ADGRL3: variants seen among roughly 807,000 people sequenced by gnomAD.
The protein encoded by ADGRL3 is adhesion G protein-coupled receptor L3.
In ADGRL3, 62 loss-of-function variants were observed where a neutral mutation model predicts 153.5. The observed-to-expected ratio is 0.40, with a 90% CI of 0.33 to 0.50. The LOEUF is 0.50. Ranked by LOEUF, ADGRL3 falls within the 20% of genes least tolerant of loss-of-function variation. The pLI, the probability that ADGRL3 is intolerant of heterozygous loss-of-function variation, is 0.47. For synonymous variants in ADGRL3, 710 were observed against 672.5 expected, an observed-to-expected ratio of 1.06 and a Z score of -0.86; for missense variants, 1,641 against 1,859.4, an observed-to-expected ratio of 0.88 and a Z score of 2.16.
intron 25 of ADGRL3, among the ~76,000 whole-genome samples, chr4:62,045,630 GA>G (rs1730715313): frequency 3.3e-5 from 5 of 151,874 alleles, no homozygotes; most frequent in Admixed American, 6.6e-5. Flanking sequence ...GAAGAAGTTA[GA>G]ACGGGCAGTG....
intron 4 of ADGRL3, among the ~76,000 whole-genome samples, chr4:61,573,153 G>A (rs1440254549): frequency 6.6e-6 from 1 of 151,900 alleles, no homozygotes. Context: ...TATCCAGCAG[G>A]ATATTCTGTC....
At chr4:61,805,762 A>C (rs2097546798) in intron 8 of ADGRL3, among the ~76,000 whole-genome samples, 1 of 152,162 alleles carries the variant, frequency 6.6e-6, no homozygotes, top group African/African-American at 2.4e-5. Context: ...AAAGTACATT[A>C]GGAGAGTATT....
At chr4:61,442,378 C>A (rs1221180951) in intron 2 of ADGRL3, among the ~76,000 whole-genome samples, 3 of 152,014 alleles carry the variant, frequency 2.0e-5, no homozygotes, top group Non-Finnish European at 4.4e-5. Flanking sequence ...AATGACTAGA[C>A]GTTAGTTTGA....
intron 8 of ADGRL3, among the ~76,000 whole-genome samples, chr4:61,777,727 A>G (rs1405567917): frequency 6.6e-6 from 1 of 152,172 alleles, no homozygotes; most frequent in Non-Finnish European, 1.5e-5. Flanking sequence ...ATAAAACTGC[A>G]AGAGAAGAGC....
chr4:61,848,328 A>G lies in ADGRL3; in HGVS notation c.1480+34439A>G, dbSNP rs989701862. The stretch of plus-strand genomic sequence containing the variant: ...ATTGGTTGGGCCATGTTCCCTCTGA[A>G]GCCTCTAGGGTAGGATCCTTCTTTA... On this transcript the variant is annotated intron_variant, in intron 9 of 26. Transcript: ENST00000683033. Among the ~76,000 whole-genome samples the G allele has an allele frequency of 8.0e-5, 12 of 150,926 alleles. 1 individual carries two copies. The highest frequency in any genetic ancestry group is 2.9e-4 in the African/African-American group (12 of 41,000).
intron 2 of ADGRL3, among the ~76,000 whole-genome samples, chr4:61,482,800 A>G (rs1392201229): frequency 6.6e-6 from 1 of 152,200 alleles, no homozygotes. Context: ...AGTTTTGGAA[A>G]GCCACTTTCA....
At position 61,704,355 on chromosome 4, in the gene ADGRL3, T is replaced by C. The variant is rs142939102; in HGVS notation, c.584-26267T>C. On this transcript the variant is annotated intron_variant, in intron 6 of 26. Coordinates refer to ENST00000683033, the MANE Select transcript of ADGRL3 (RefSeq NM_001387552.1). ...AAATCATATAAATTTTTTGGTAACC[T>C]AGTACATATAAAGGTAATGTTTATA... 8.9e-4 allele frequency among the ~76,000 whole-genome samples: 135 copies of C among 152,332 alleles called. 1 individual carries two copies. In the East Asian group the frequency reaches 0.014, roughly 15 times the overall value.
In ADGRL3 at chr4:61,538,158, T is replaced by TA. The variant is rs976067387; in HGVS notation, c.259+20645dup. Among the ~76,000 whole-genome samples the TA allele has an allele frequency of 1.6e-4, 24 of 152,286 alleles. No homozygotes were observed. In the East Asian group the frequency reaches 4.6e-3, roughly 29 times the overall value. ...AATAAAAAAATAAAATAAAATAAAA[T>TA]AAAAACTTTTTTCCCCTTGAGGTCT... On this transcript the variant is annotated intron_variant, in intron 4 of 26. Coordinates refer to ENST00000683033, the MANE Select transcript of ADGRL3 (RefSeq NM_001387552.1).
At chr4:61,893,877 CT>C (rs777102671) in intron 10 of ADGRL3, among the ~76,000 whole-genome samples, 191 of 151,544 alleles carry the variant, frequency 1.3e-3, no homozygotes, top group Non-Finnish European at 2.0e-3. Flanking sequence ...CCGGCTAATT[CT>C]TTTTTGTATT....
At chr4:61,346,772 G>T (rs535503977) in intron 1 of ADGRL3, among the ~76,000 whole-genome samples, 23 of 114,470 alleles carry the variant, frequency 2.0e-4, no homozygotes, top group African/African-American at 7.3e-4. Flanking sequence ...ATCAAAGCCA[G>T]ACCTGTCTCA....
intron 2 of ADGRL3, among the ~76,000 whole-genome samples, chr4:61,476,710 A>T (rs1256732817): frequency 3.5e-4 from 4 of 11,368 alleles, no homozygotes; most frequent in African/African-American, 5.9e-4. Flanking sequence ...ACTCTGTCTA[A>T]AAAAAAAAAA....
chr4:61,461,344 G>A (rs2097814420), intron 2 of ADGRL3, among the ~76,000 whole-genome samples: 1 of 151,970 alleles, frequency 6.6e-6, no homozygotes, highest in Non-Finnish European at 1.5e-5. Context: ...ATAGTATATT[G>A]TATATATCAA....
intron 4 of ADGRL3, among the ~76,000 whole-genome samples, chr4:61,544,265 TATAC>T (rs1328492905): frequency 1.3e-5 from 2 of 152,230 alleles, no homozygotes; most frequent in African/African-American, 4.8e-5. Context: ...ATATTTTTTA[TATAC>T]CTGAGAGACA....
At chr4:61,232,807 A>T (rs1396129321) in intron 1 of ADGRL3, among the ~76,000 whole-genome samples, 1 of 152,178 alleles carries the variant, frequency 6.6e-6, no homozygotes, top group African/African-American at 2.4e-5. Context: ...AGACACTCAC[A>T]ATATGATGTT....
chr4:62,045,149 C>T (rs1021415119), intron 25 of ADGRL3, among the ~76,000 whole-genome samples: 3 of 151,864 alleles, frequency 2.0e-5, no homozygotes, highest in African/African-American at 7.2e-5. Context: ...ATGACGTTCC[C>T]TTAATCTATT....
intron 5 of ADGRL3, among the ~76,000 whole-genome samples, chr4:61,625,672 CA>C (rs1343169846): frequency 1.3e-5 from 2 of 151,804 alleles, no homozygotes; most frequent in Admixed American, 1.3e-4. Context: ...ATGCATAATA[CA>C]AAGCTAAGAA....
chr4:61,521,273 A>G (rs1560776457), intron 4 of ADGRL3, among the ~76,000 whole-genome samples: 2 of 152,158 alleles, frequency 1.3e-5, no homozygotes, highest in Non-Finnish European at 1.5e-5. Flanking sequence ...GAAAGATACT[A>G]TTCTGAGTAG....
chr4:61,458,677 C>A (rs1044548526), intron 2 of ADGRL3, among the ~76,000 whole-genome samples: 1 of 151,396 alleles, frequency 6.6e-6, no homozygotes, highest in Non-Finnish European at 1.5e-5. Context: ...TTTACCTTAT[C>A]AAATTAATCA....
chr4:61,776,151 CG>C (rs1561230549), intron 8 of ADGRL3, among the ~76,000 whole-genome samples: 1 of 152,152 alleles, frequency 6.6e-6, no homozygotes, highest in Non-Finnish European at 1.5e-5. Context: ...CCACCCGCCT[CG>C]GCCTCCCAAA....
Sources: gnomAD v4.1 joint callset for allele counts (sites outside exome capture counted in the v4.1 genomes callset) on GRCh38, gnomAD v4.1.1 for gene constraint, MANE v1.5 for transcripts, NCBI Gene and HGNC (gene_info 2026-07-23, HGNC 2026-07-21) for gene names.